The following SDHB variants were observed in gnomAD, a reference collection of about 807,000 sequenced individuals.
SDHB encodes the protein succinate dehydrogenase [ubiquinone] iron-sulfur subunit, mitochondrial.
Under a neutral mutation model 39.7 loss-of-function variants are expected in SDHB, and 21 were observed. The observed-to-expected ratio is 0.53, with a 90% CI of 0.37 to 0.76. The LOEUF is 0.76. Among genes scored for constraint, SDHB ranks in the 30% least tolerant of loss-of-function variants. The pLI is 0.00. For synonymous variants in SDHB, 118 were observed against 117.0 expected, an observed-to-expected ratio of 1.01 and a Z score of -0.06; for missense variants, 343 against 350.9, an observed-to-expected ratio of 0.98 and a Z score of 0.18.
At chr1:17,032,994 T>C (rs914331359) in intron 3 of SDHB, 66 bp downstream of exon 3, 11 of 1,237,556 alleles carry the variant, frequency 8.9e-6, no homozygotes, top group Non-Finnish European at 1.3e-5. Context: ...TCTATCAGCT[T>C]TGGCCAGCCC....
At chr1:17,024,114 A>G (rs769815887) in intron 5 of SDHB, 40 bp from the exon 6 acceptor site, 18 of 1,394,996 alleles carry the variant, frequency 1.3e-5, no homozygotes, top group Non-Finnish European at 1.8e-5. Flanking sequence ...TTGTGACGGG[A>G]GAGACTCTGC....
intron 7 of SDHB, among the ~76,000 whole-genome samples, chr1:17,019,380 C>A (rs544486976): frequency 6.6e-6 from 1 of 152,300 alleles, no homozygotes; most frequent in South Asian, 2.1e-4. Flanking sequence ...TACCAGCTCT[C>A]AAAAGTATGT....
At chr1:17,036,001 ATAGG>A (rs2078048665) in intron 2 of SDHB, among the ~76,000 whole-genome samples, 1 of 152,170 alleles carries the variant, frequency 6.6e-6, no homozygotes, top group Non-Finnish European at 1.5e-5. Flanking sequence ...AAATTTCCTA[ATAGG>A]TAGGGCTCAT....
chr1:17,052,879 A>T (rs1258878113), intron 1 of SDHB, among the ~76,000 whole-genome samples: 1 of 152,200 alleles, frequency 6.6e-6, no homozygotes, highest in Non-Finnish European at 1.5e-5. Context: ...ATGTCCCAAG[A>T]TCTATGCTAA....
chr1:17,028,649 G>C lies in SDHB; in HGVS notation c.374C>G (p.Ser125Ter), dbSNP rs786203506. 1 of 1,614,154 alleles carries C rather than the reference G, an allele frequency of 6.2e-7. No individual in the cohort carries two copies. The highest frequency in any genetic ancestry group is 1.7e-5 in the Admixed American group (1 of 60,028). The change falls in exon 4 of 8, where the codon TCA becomes TGA. Residue 125 changes from serine to a stop codon, truncating the protein, a stop_gained. Transcript: ENST00000375499. LOFTEE classifies it high-confidence loss of function. Reference protein sequence around the residue: ...RRIDTNLNKVSKIYPLPHMYV... With the variant: ...RRIDTNLNKV ...CATGTGTGGAAGAGGGTAGATTTTT[G>C]AGACCTTATTGAGGTTGGTGTCAAT...
rs80213392 is a variant in SDHB at position 17,048,538 on chromosome 1, A to C, written c.73-3650T>G. Among the ~76,000 whole-genome samples, 501 of 152,250 alleles carry C rather than the reference A, an allele frequency of 3.3e-3. 7 individuals carry two copies. Among genetic ancestry groups the C allele is most frequent in the African/African-American group, 0.012 (483 of 41,530 alleles). ...ATTGTTGGGCTGTATGGTAGCTACA[A>C]GTTTAGTTTTTTTTAAGCAACTGAC... On this transcript the variant is annotated intron_variant, in intron 1 of 7. Coordinates refer to ENST00000375499, the MANE Select transcript of SDHB (RefSeq NM_003000.3).
At chr1:17,040,503 G>A (rs1023475770) in intron 2 of SDHB, among the ~76,000 whole-genome samples, 4 of 152,136 alleles carry the variant, frequency 2.6e-5, no homozygotes, top group African/African-American at 9.7e-5. Context: ...TGCCCAGGTT[G>A]GAGTACAGTG....
chr1:17,042,898 T>C (rs2078088614), intron 2 of SDHB, among the ~76,000 whole-genome samples: 1 of 151,758 alleles, frequency 6.6e-6, no homozygotes, highest in Non-Finnish European at 1.5e-5. Context: ...CCTGATCAAA[T>C]AGTTAGAAGT....
intron 2 of SDHB, among the ~76,000 whole-genome samples, chr1:17,036,154 G>A (rs1344860011): frequency 6.6e-6 from 1 of 152,048 alleles, no homozygotes; most frequent in Non-Finnish European, 1.5e-5. Context: ...ATTTTGATGG[G>A]GATTGCAATG....
chr1:17,045,671 T>C (rs748460209), intron 1 of SDHB, among the ~76,000 whole-genome samples: 1 of 151,940 alleles, frequency 6.6e-6, no homozygotes, highest in Non-Finnish European at 1.5e-5. Flanking sequence ...TAAAATAAAC[T>C]GATATAGAAA....
intron 3 of SDHB, among the ~76,000 whole-genome samples, chr1:17,030,125 G>A (rs1345404896): frequency 2.0e-5 from 3 of 152,272 alleles, no homozygotes; most frequent in Admixed American, 2.0e-4. Context: ...GGAGGAGAAG[G>A]TTGCAGTGAG....
rs1242428334 is a variant in SDHB, at chr1:17,043,279, GAGTT to G, written c.200+1478_200+1481del. ...CCCGGCCTGTTTATATTTTTAATAT[GAGTT>G]TAGTTTTATTGTATTTCGGTCCAAA... On this transcript the variant is annotated intron_variant, in intron 2 of 7. Coordinates refer to ENST00000375499, the MANE Select transcript of SDHB (RefSeq NM_003000.3). Among the ~76,000 whole-genome samples the G allele has an allele frequency of 3.9e-5, 6 of 152,066 alleles. No homozygotes were observed. The East Asian group carries it at 1.2e-3, about 29-fold the overall frequency.
chr1:17,031,239 AC>A (rs1201213461), intron 3 of SDHB, among the ~76,000 whole-genome samples: 1 of 152,206 alleles, frequency 6.6e-6, no homozygotes, highest in Non-Finnish European at 1.5e-5. Flanking sequence ...ATTTATGTAT[AC>A]CTGGCATCCA....
At chr1:17,053,327 G>A (rs1217219066) in intron 1 of SDHB, among the ~76,000 whole-genome samples, 1 of 152,122 alleles carries the variant, frequency 6.6e-6, no homozygotes, top group Admixed American at 6.6e-5. Flanking sequence ...ACACTGAGAG[G>A]ATACTAGTGA....
chr1:17,035,341 T>TTGCAGATTTGGG (rs2101531417), intron 2 of SDHB, among the ~76,000 whole-genome samples: 1 of 152,280 alleles, frequency 6.6e-6, no homozygotes, highest in East Asian at 1.9e-4. Context: ...GCAAAAACTG[T>TTGCAGATTTGGG]ATCAGTTGTC....
At chr1:17,032,240 C>A (rs912777146) in intron 3 of SDHB, among the ~76,000 whole-genome samples, 3 of 151,328 alleles carry the variant, frequency 2.0e-5, no homozygotes, top group Non-Finnish European at 4.4e-5. Context: ...GCTCTATTGC[C>A]CAGGCTGGAG....
At position 17,053,989 on chromosome 1, in the gene SDHB, G is replaced by A. The variant is rs200868378; in HGVS notation, c.31C>T (p.Arg11Cys). Residue 11 changes from arginine to cysteine, a missense_variant, in exon 1 of 8, where the codon CGC becomes TGC. Physicochemically the swap from Arg to Cys is radical, Grantham distance 180 (BLOSUM62 -3). Transcript: ENST00000375499. MAAVVALSLR[R>C]RLPATTLGGA... ...CCAAGGGTTGTGGCCGGCAACCGGC[G>A]CCTCAAGGAGAGGGCGACCACCGCC... 18 of 1,612,818 alleles carry A rather than the reference G, an allele frequency of 1.1e-5. No individual in the cohort carries two copies. Among genetic ancestry groups the A allele is most frequent in the South Asian group, 3.3e-5 (3 of 90,898 alleles).
chr1:17,027,370 C>T (rs557245007), intron 5 of SDHB, among the ~76,000 whole-genome samples: 9 of 152,222 alleles, frequency 5.9e-5, no homozygotes, highest in Non-Finnish European at 1.0e-4. Context: ...TAAAGCAGGA[C>T]GGTGGTAGTT....
At chr1:17,038,670 ATAAAG>A (rs527266765) in intron 2 of SDHB, among the ~76,000 whole-genome samples, 110 of 152,290 alleles carry the variant, frequency 7.2e-4, no homozygotes, top group African/African-American at 2.2e-3. Flanking sequence ...ATATCTCACA[ATAAAG>A]TATGCTATTA....
Sources: gnomAD v4.1 joint callset for allele counts (sites outside exome capture counted in the v4.1 genomes callset) on GRCh38, gnomAD v4.1.1 for gene constraint, MANE v1.5 for transcripts, NCBI Gene and HGNC (gene_info 2026-07-23, HGNC 2026-07-21) for gene names.